ARMH4: variants seen among roughly 807,000 people sequenced by gnomAD.
ARMH4 encodes armadillo-like helical domain-containing protein 4.
ARMH4 carries 49 observed loss-of-function variants against 61.9 expected under a neutral mutation model. That is an observed-to-expected ratio of 0.79 (90% CI 0.63 to 1.00). ARMH4 has a LOEUF of 1.00. ARMH4 is among the 50% of genes least tolerant of loss of function. ARMH4 has a pLI of 0.00. For missense variants in ARMH4, 934 were observed against 930.0 expected (o/e 1.00, Z -0.06); for synonymous variants, 368 against 341.5 (o/e 1.08, Z -0.85).
At chr14:58,055,766 T>G (rs1884328834) in intron 5 of ARMH4, among the ~76,000 whole-genome samples, 1 of 152,212 alleles carries the variant, frequency 6.6e-6, no homozygotes, top group African/African-American at 2.4e-5. Flanking sequence ...GCTGTACTTA[T>G]TTGGTACTTA....
At chr14:58,136,905 A>C (rs1008590618) in intron 2 of ARMH4, among the ~76,000 whole-genome samples, 1 of 152,202 alleles carries the variant, frequency 6.6e-6, no homozygotes, top group Non-Finnish European at 1.5e-5. Context: ...CTTATTTCTA[A>C]ATGTTTTCTT....
At chr14:58,061,311 C>T (rs1249838648) in intron 5 of ARMH4, among the ~76,000 whole-genome samples, 1 of 152,146 alleles carries the variant, frequency 6.6e-6, no homozygotes, top group African/African-American at 2.4e-5. Flanking sequence ...GATCTTGACA[C>T]CCCACCCACC....
chr14:58,131,584 T>G lies in ARMH4; in HGVS notation c.1759A>C (p.Arg587=), dbSNP rs746580257. 52 of 1,614,254 alleles carry G rather than the reference T, an allele frequency of 3.2e-5. No homozygotes were observed. Among genetic ancestry groups the G allele is most frequent in the Non-Finnish European group, 4.3e-5 (51 of 1,180,044 alleles). Residue 587 remains arginine (R), a synonymous_variant, in exon 4 of 8, where the codon AGA becomes CGA. Transcript: ENST00000267485. ...CGAGTAATAGATGGAACAACAGTTC[T>G]TCTCTCAGAGGATGCCTCCAAAGCA... ...LPALEASSER[R]TVVPSITRVN...
intron 5 of ARMH4, among the ~76,000 whole-genome samples, chr14:58,041,891 G>A (rs1487810302): frequency 1.3e-5 from 2 of 151,990 alleles, no homozygotes; most frequent in African/African-American, 4.8e-5. Context: ...AACAAGAAGA[G>A]GTAACTATCT....
At chr14:58,082,999 T>C (rs921287187) in intron 5 of ARMH4, among the ~76,000 whole-genome samples, 1 of 152,202 alleles carries the variant, frequency 6.6e-6, no homozygotes, top group African/African-American at 2.4e-5. Context: ...GTTCTCTCTC[T>C]TTCCTGCCTC....
chr14:58,075,791 T>A (rs1373556248), intron 5 of ARMH4, among the ~76,000 whole-genome samples: 1 of 152,160 alleles, frequency 6.6e-6, no homozygotes, highest in East Asian at 1.9e-4. Context: ...AAGAGCAGCA[T>A]CTTCACAATC....
intron 4 of ARMH4, among the ~76,000 whole-genome samples, chr14:58,107,068 CAT>C (rs1278304505): frequency 2.6e-5 from 4 of 152,206 alleles, no homozygotes; most frequent in East Asian, 1.9e-4. Context: ...CTGCTACAAA[CAT>C]GTGTCATTTA....
chr14:58,124,021 G>T (rs182855240), intron 4 of ARMH4, among the ~76,000 whole-genome samples: 1 of 151,640 alleles, frequency 6.6e-6, no homozygotes, highest in African/African-American at 2.4e-5. Context: ...GGTGAGGAAC[G>T]TATCCAGCCT....
At chr14:58,143,050 G>A (rs1887616959) in intron 1 of ARMH4, among the ~76,000 whole-genome samples, 1 of 152,278 alleles carries the variant, frequency 6.6e-6, no homozygotes, top group South Asian at 2.1e-4. Context: ...CTGACATCTT[G>A]ACTACACCTT....
At chr14:58,061,519 C>T (rs1037268277) in intron 5 of ARMH4, among the ~76,000 whole-genome samples, 6 of 152,168 alleles carry the variant, frequency 3.9e-5, no homozygotes, top group Non-Finnish European at 7.4e-5. Context: ...CCCTGCTATC[C>T]TCTCCAAAGC....
intron 1 of ARMH4, chr14:58,141,456 C>T (rs1887547980): frequency 3.7e-6 from 2 of 540,924 alleles, no homozygotes; most frequent in Admixed American, 2.0e-5. Context: ...TCTCAGGCTA[C>T]AACATCCAGA....
intron 4 of ARMH4, among the ~76,000 whole-genome samples, chr14:58,128,728 C>T (rs1275773401): frequency 2.6e-5 from 4 of 152,220 alleles, no homozygotes; most frequent in South Asian, 4.1e-4. Context: ...TCAGGTAGCA[C>T]GTCTGTCTTC....
At position 58,125,767 on chromosome 14, in the gene ARMH4, C is replaced by G. The variant is rs371865812; in HGVS notation, c.1831+5745G>C. Among the ~76,000 whole-genome samples the G allele has an allele frequency of 1.2e-3, 177 of 152,266 alleles. 2 individuals are homozygous for G. Among genetic ancestry groups the G allele is most frequent in the Non-Finnish European group, 2.1e-4 (14 of 68,018 alleles). On this transcript the variant is annotated intron_variant, in intron 4 of 7. Coordinates refer to ENST00000267485, the MANE Select transcript of ARMH4 (RefSeq NM_001001872.4). ...TTCAGCAGGAAGCAGTTAGAACGGT[C>G]GTCAGCCATCCTCTCCAACAGCACT...
At chr14:58,147,078 C>T (rs1006348085) in intron 1 of ARMH4, among the ~76,000 whole-genome samples, 114 of 152,262 alleles carry the variant, frequency 7.5e-4, no homozygotes, top group African/African-American at 2.3e-3. Flanking sequence ...TCATTGTCAA[C>T]TGGAAGTTAC....
intron 4 of ARMH4, among the ~76,000 whole-genome samples, chr14:58,119,363 A>G (rs2141301341): frequency 6.6e-6 from 1 of 152,230 alleles, no homozygotes; most frequent in East Asian, 1.9e-4. Context: ...TTTGTCCTCC[A>G]ATGCAATAAA....
intron 6 of ARMH4, among the ~76,000 whole-genome samples, chr14:58,011,034 T>C (rs925241428): frequency 1.3e-5 from 2 of 152,118 alleles, no homozygotes; most frequent in African/African-American, 4.8e-5. Flanking sequence ...CCCCCAAGTT[T>C]TTCTCAGTCC....
At chr14:58,080,751 T>C (rs941596140) in intron 5 of ARMH4, among the ~76,000 whole-genome samples, 153 of 152,264 alleles carry the variant, frequency 1.0e-3, no homozygotes, top group African/African-American at 3.4e-3. Flanking sequence ...ATTTATTTTT[T>C]TTAAGATTTT....
intron 5 of ARMH4, among the ~76,000 whole-genome samples, chr14:58,085,023 C>T (rs1459591259): frequency 1.3e-5 from 2 of 152,206 alleles, no homozygotes; most frequent in African/African-American, 2.4e-5. Flanking sequence ...GGAAAAATTA[C>T]TTAATTGCTC....
intron 5 of ARMH4, among the ~76,000 whole-genome samples, chr14:58,024,867 C>T (rs1374592425): frequency 1.3e-5 from 2 of 152,120 alleles, no homozygotes; most frequent in African/African-American, 4.8e-5. Context: ...TCAGAACACA[C>T]ACAACATCTA....
Sources: allele counts gnomAD v4.1 joint callset (sites outside exome capture counted in the v4.1 genomes callset), GRCh38; gene constraint gnomAD v4.1.1; transcripts MANE v1.5; gene names NCBI Gene and HGNC (gene_info 2026-07-23, HGNC 2026-07-21).